CFAP251: variants seen among roughly 807,000 people sequenced by gnomAD.
The protein encoded by CFAP251 is cilia- and flagella-associated protein 251.
A neutral mutation model predicts 126.7 loss-of-function variants in CFAP251; 93 were observed. The observed-to-expected ratio is 0.73, with a 90% confidence interval of 0.62 to 0.87. CFAP251 has a LOEUF of 0.87. Among genes scored for constraint, CFAP251 ranks in the 40% least tolerant of loss-of-function variants. The probability of loss-of-function intolerance (pLI) is 0.00; values close to 1 mark genes in which losing one functional copy is unlikely to be tolerated. For synonymous variants in CFAP251, 503 were observed against 506.9 expected, an observed-to-expected ratio of 0.99 and a Z score of 0.10; for missense variants, 1,287 against 1,389.2, an observed-to-expected ratio of 0.93 and a Z score of 1.17.
intron 5 of CFAP251, among the ~76,000 whole-genome samples, chr12:121,942,144 G>A (rs188098226): frequency 7.9e-4 from 120 of 152,194 alleles, no homozygotes; most frequent in African/African-American, 2.9e-3. Context: ...AAAGCATACG[G>A]TTCGGTGACA....
intron 17 of CFAP251, 35 bp from the exon 18 acceptor site, chr12:121,975,209 G>A (rs368899733): frequency 2.3e-5 from 37 of 1,589,672 alleles, no homozygotes; most frequent in East Asian, 1.8e-4. Flanking sequence ...ATGCTTGAGC[G>A]CTTTCTAATA....
At chr12:121,965,254 A>G (rs917028856) in intron 15 of CFAP251, among the ~76,000 whole-genome samples, 4 of 152,194 alleles carry the variant, frequency 2.6e-5, no homozygotes, top group African/African-American at 7.2e-5. Flanking sequence ...TTTTTCACCA[A>G]TCAGATTAGC....
chr12:121,949,081 T>C lies in CFAP251; in HGVS notation c.1269+20T>C, dbSNP rs759795815. ...GCATGGGTAAGCAGAAATATTTTGA[T>C]TTGTTTTAAATGTGGGTAGAAGTAT... On this transcript the variant is annotated intron_variant, in intron 8 of 21. Coordinates refer to ENST00000288912, the MANE Select transcript of CFAP251 (RefSeq NM_144668.6). 2 of 1,523,202 alleles carry C rather than the reference T, an allele frequency of 1.3e-6. No homozygotes were observed. Among genetic ancestry groups the C allele is most frequent in the South Asian group, 2.5e-5 (2 of 80,988 alleles). 94.4% of individuals were successfully genotyped at this position (1,523,202 alleles called of 1,614,324 possible). A position where few individuals can be genotyped will look rare whatever the true frequency, so the allele number is the denominator to read the frequency against.
Position 121,958,353 on chromosome 12 carries a change from G to A in CFAP251, c.1812G>A (p.Glu604=). The A allele has an allele frequency of 1.2e-6, 2 of 1,614,214 alleles. No individual in the cohort carries two copies. Among genetic ancestry groups the A allele is most frequent in the East Asian group, 4.5e-5 (2 of 44,892 alleles). ...DGTKLEKLFV[E]PKDAICAISC... ...CCAAACTTGAGAAGTTATTTGTAGA[G>A]CCCAAGGATGCCATTTGTGCCATCT... Residue 604 remains glutamate, a synonymous_variant, in exon 12 of 22, where the codon GAG becomes GAA. Coordinates refer to ENST00000288912, the MANE Select transcript of CFAP251 (RefSeq NM_144668.6).
intron 3 of CFAP251, among the ~76,000 whole-genome samples, chr12:121,928,837 C>T (rs1477673409): frequency 6.6e-6 from 1 of 151,516 alleles, no homozygotes; most frequent in Non-Finnish European, 1.5e-5. Flanking sequence ...GATGGGATTA[C>T]AGGTGCACAC....
chr12:121,958,068 T>C (rs1205713313), intron 11 of CFAP251, among the ~76,000 whole-genome samples: 2 of 152,238 alleles, frequency 1.3e-5, no homozygotes, highest in East Asian at 3.8e-4. Context: ...ACTTAATGAC[T>C]CAATTTACAT....
At position 121,962,121 on chromosome 12, in the gene CFAP251, C is replaced by T; in HGVS notation, c.2451C>T (p.Gly817=). 1 of 1,613,868 alleles carries T rather than the reference C, an allele frequency of 6.2e-7. No individual in the cohort carries two copies. Among genetic ancestry groups the T allele is most frequent in the Non-Finnish European group, 8.5e-7 (1 of 1,180,032 alleles). The change falls in exon 15 of 22, where the codon GGC becomes GGT. Residue 817 remains glycine, a synonymous_variant. Transcript: ENST00000288912. ...TCTTCCTGCTTATTTGCAACAGTGG[C>T]TACAAAGTGAAGCTTTTTAATGCTA... The part of the protein sequence containing the change: ...RELFLLICNS[G]YKVKLFNATT...
intron 19 of CFAP251, among the ~76,000 whole-genome samples, chr12:121,978,647 A>G (rs372297092): frequency 6.6e-6 from 1 of 152,148 alleles, no homozygotes; most frequent in East Asian, 1.9e-4. Context: ...ATATATCAAC[A>G]TTATACAGAG....
At chr12:121,953,304 T>C (rs1194125254) in intron 9 of CFAP251, 2 of 152,242 alleles carry the variant, frequency 1.3e-5, no homozygotes, top group African/African-American at 4.8e-5. Flanking sequence ...CACTTGTTTA[T>C]AGTCAGAGCT....
In CFAP251 at chr12:121,921,441, G is replaced by C; in HGVS notation, c.136G>C (p.Ala46Pro). ...PQQESKDDTI[A>P]WRESQEEERK... ...ACAGGAATCAAAAGATGACACAATA[G>C]CATGGAGAGAGTCTCAGGAGGAGGA... Residue 46 changes from alanine (A) to proline (P), a missense_variant, in exon 2 of 22, where the codon GCA becomes CCA. Coordinates refer to ENST00000288912, the MANE Select transcript of CFAP251 (RefSeq NM_144668.6). 6.2e-7 allele frequency: 1 copy of C among 1,613,860 alleles called. No individual in the cohort carries two copies. Among genetic ancestry groups the C allele is most frequent in the Non-Finnish European group, 8.5e-7 (1 of 1,179,982 alleles).
intron 19 of CFAP251, chr12:121,992,607 C>A: frequency 1.4e-6 from 1 of 700,914 alleles, no homozygotes; most frequent in Non-Finnish European, 1.8e-6. Flanking sequence ...TCTTACTCCT[C>A]ACTCCTGTTG....
intron 7 of CFAP251, chr12:121,947,770 G>A (rs1429446482): frequency 6.6e-6 from 1 of 152,172 alleles, no homozygotes; most frequent in Admixed American, 6.6e-5. Flanking sequence ...GGTCGTTTGA[G>A]GCTGATTTTC....
At chr12:121,980,497 T>G (rs1031852033) in intron 19 of CFAP251, among the ~76,000 whole-genome samples, 19 of 150,908 alleles carry the variant, frequency 1.3e-4, no homozygotes, top group Admixed American at 6.7e-5. Flanking sequence ...TACAGGAGCG[T>G]GCCACCATGC....
chr12:121,987,002 G>T (rs572593624), intron 19 of CFAP251, among the ~76,000 whole-genome samples: 1 of 152,316 alleles, frequency 6.6e-6, no homozygotes, highest in Non-Finnish European at 1.5e-5. Flanking sequence ...AGCCCTGTGT[G>T]CTAATCTTCA....
intron 5 of CFAP251, among the ~76,000 whole-genome samples, chr12:121,935,490 G>C (rs1051663078): frequency 6.6e-6 from 1 of 152,226 alleles, no homozygotes; most frequent in Admixed American, 6.5e-5. Flanking sequence ...CGATTTAGCT[G>C]TGATGGCTCC....
chr12:121,998,889 CAAAAAAAAAAAAAAAA>C (rs60289920), intron 19 of CFAP251: 1 of 30,600 alleles, frequency 3.3e-5, no homozygotes, highest in Non-Finnish European at 6.7e-5. Context: ...GACCCTGTAT[CAAAAAAAAAAAAAAAA>C]AAAAAAAAAA....
At chr12:121,998,432 AATATATATATAT>A (rs71082926) in intron 19 of CFAP251, 1,554 of 84,786 alleles carry the variant, frequency 0.018, 22 homozygotes, top group Non-Finnish European at 0.024. Flanking sequence ...TTTTTAGTGT[AATATATATATAT>A]ATATATATAT....
At chr12:122,000,704 GAC>G (rs1301926274) in intron 20 of CFAP251, among the ~76,000 whole-genome samples, 1 of 152,114 alleles carries the variant, frequency 6.6e-6, no homozygotes, top group Non-Finnish European at 1.5e-5. Flanking sequence ...CTCTTGGGAT[GAC>G]AGTTTCATCT....
chr12:121,983,453 T>C (rs1024634695), intron 19 of CFAP251, among the ~76,000 whole-genome samples: 21 of 152,096 alleles, frequency 1.4e-4, no homozygotes, highest in African/African-American at 5.1e-4. Context: ...ACTCATTTGT[T>C]CTATCATTGG....
Sources: gnomAD v4.1 joint callset for allele counts (sites outside exome capture counted in the v4.1 genomes callset) on GRCh38, gnomAD v4.1.1 for gene constraint, MANE v1.5 for transcripts, NCBI Gene and HGNC (gene_info 2026-07-23, HGNC 2026-07-21) for gene names.